The following EIF2B1 variants were observed in gnomAD, a reference collection of about 807,000 sequenced individuals.
EIF2B1 encodes the protein translation initiation factor eIF2B subunit alpha.
A neutral mutation model predicts 36.8 loss-of-function variants in EIF2B1; 30 were observed. The ratio of observed to expected loss-of-function variants is 0.81; its 90% confidence interval spans 0.61 to 1.10. The LOEUF (loss-of-function observed/expected upper bound fraction) is 1.10. Ranked by LOEUF, EIF2B1 falls within the 50% of genes least tolerant of loss-of-function variation. The probability of loss-of-function intolerance (pLI) is 0.00; values close to 1 mark genes in which losing one functional copy is unlikely to be tolerated. For missense variants in EIF2B1, 271 were observed against 374.8 expected, an observed-to-expected ratio of 0.72 and a Z score of 2.29; for synonymous variants, 139 against 142.2, an observed-to-expected ratio of 0.98 and a Z score of 0.16.
rs1407465919 is a variant in EIF2B1, at chr12:123,633,624, G to A, written c.-67C>T. On this transcript the variant is annotated 5_prime_UTR_variant, in exon 1 of 9. Transcript: ENST00000424014. ...CGCGCTGTCTCGAACGGGTCCGCCG[G>A]CCGCGCCGCCTGCGAGCCAGTCTGA... 6.3e-7 allele frequency: 1 copy of A among 1,596,604 alleles called. No homozygotes were observed.
At chr12:123,628,004 A>C (rs1339837207) in intron 4 of EIF2B1, among the ~76,000 whole-genome samples, 1 of 152,204 alleles carries the variant, frequency 6.6e-6, no homozygotes, top group South Asian at 2.1e-4. Flanking sequence ...GTTTGGGGTA[A>C]TCACAACCTA....
rs1566211365 is a variant in EIF2B1 at position 123,620,612 on chromosome 12, ATATAT to A, written c.*1139_*1143del. 4.3e-4 allele frequency: 32 copies of A among 75,006 alleles called. 1 individual carries two copies. Among genetic ancestry groups the A allele is most frequent in the African/African-American group, 1.2e-3 (26 of 21,988 alleles). The allele number at this position is 75,006 out of a possible 1,614,324, so 4.6% of individuals were successfully genotyped here. ...TATATATATATATATATATATATATATATATATATATATATAAGCTCTTTTTTCTG... is the reference window on the plus strand; with the variant it reads ...TATATATATATATATATATATATATAATATATATATAAGCTCTTTTTTCTG... On this transcript the variant is annotated 3_prime_UTR_variant, in exon 9 of 9. Coordinates refer to ENST00000424014, the MANE Select transcript of EIF2B1 (RefSeq NM_001414.4).
chr12:123,626,448 A>G lies in EIF2B1; in HGVS notation c.528T>C (p.Thr176=), dbSNP rs772633900. The G allele has an allele frequency of 1.9e-6, 3 of 1,614,060 alleles. No individual in the cohort carries two copies. The highest frequency in any genetic ancestry group is 2.7e-5 in the African/African-American group (2 of 74,948). Reference sequence around the variant, plus strand: ...ACCCGACAGCAGCATCTAGCACCACAGTGACAGGGACGTTGAGGTGGCAGA... The same window carrying G: ...ACCCGACAGCAGCATCTAGCACCACGGTGACAGGGACGTTGAGGTGGCAGA... The part of the protein sequence containing the change: ...KALCHLNVPV[T]VVLDAAVGYI... Residue 176 remains threonine (T), a synonymous_variant, in exon 6 of 9, where the codon ACT becomes ACC. Transcript: ENST00000424014.
intron 6 of EIF2B1, 26 bp downstream of exon 6, chr12:123,626,399 T>C: frequency 1.9e-6 from 3 of 1,613,980 alleles, no homozygotes; most frequent in Non-Finnish European, 2.5e-6. Context: ...GGGAGGTGAT[T>C]ATGGCTGGGG....
chr12:123,630,148 CCAT>C lies in EIF2B1; in HGVS notation c.369+18_369+20del, dbSNP rs1341075612. 6.2e-7 allele frequency: 1 copy of C among 1,608,416 alleles called. No homozygotes were observed. The highest frequency in any genetic ancestry group is 8.5e-7 in the Non-Finnish European group (1 of 1,175,404). ...TCGAAACCGTTGCTCCTCCTTACCA[CCAT>C]GATGATTATCCACTCACCGCTCCAT... On this transcript the variant is annotated intron_variant, in intron 4 of 8. Coordinates refer to ENST00000424014, the MANE Select transcript of EIF2B1 (RefSeq NM_001414.4). This position sits in a 1 kb window ranked among gnomAD's most constrained non-coding sequence, Gnocchi z 4.6.
Position 123,630,168 on chromosome 12 carries a change from C to G in EIF2B1, c.369+1G>C, listed in dbSNP as rs1194023050. Reference sequence around the variant, plus strand: ...TACCACCATGATGATTATCCACTCACCGCTCCATCTTTGATGAAAGTATGG... The same window carrying G: ...TACCACCATGATGATTATCCACTCAGCGCTCCATCTTTGATGAAAGTATGG... On this transcript the variant is annotated splice_donor_variant, in intron 4 of 8. Coordinates refer to ENST00000424014, the MANE Select transcript of EIF2B1 (RefSeq NM_001414.4). LOFTEE classifies it high-confidence loss of function. The surrounding 1 kb of genome is among the most constrained non-coding windows in gnomAD (Gnocchi z 4.6). 1 of 1,613,298 alleles carries G rather than the reference C, an allele frequency of 6.2e-7. No individual in the cohort carries two copies. The highest frequency in any genetic ancestry group is 8.5e-7 in the Non-Finnish European group (1 of 1,179,572).
intron 1 of EIF2B1, 90 bp from the exon 2 acceptor site, chr12:123,632,536 A>G (rs1300987169): frequency 1.1e-6 from 1 of 882,956 alleles, no homozygotes; most frequent in East Asian, 2.4e-5. Flanking sequence ...TTTAAGAAGC[A>G]AACAATTTAA....
chr12:123,626,525 A>G, intron 5 of EIF2B1, 32 bp from the exon 6 acceptor site: 1 of 1,610,076 alleles, frequency 6.2e-7, no homozygotes, highest in Non-Finnish European at 8.5e-7. Context: ...CGTTAGAGAA[A>G]GTACAAGACA....
At chr12:123,633,064 G>C (rs576541661) in intron 1 of EIF2B1, among the ~76,000 whole-genome samples, 2 of 151,300 alleles carry the variant, frequency 1.3e-5, no homozygotes, top group East Asian at 3.9e-4. Context: ...GAGGATCCCA[G>C]AGTCAACCAT....
At chr12:123,629,238 T>C (rs912609438) in intron 4 of EIF2B1, among the ~76,000 whole-genome samples, 5 of 152,214 alleles carry the variant, frequency 3.3e-5, no homozygotes, top group Admixed American at 3.3e-4. Flanking sequence ...AGGGGCATTA[T>C]GATAGTTTCA....
rs1250251932 is a variant in EIF2B1 at position 123,620,627 on chromosome 12, T to TATATATATAA, written c.*1128_*1129insTTATATATAT. On this transcript the variant is annotated 3_prime_UTR_variant, in exon 9 of 9. Coordinates refer to ENST00000424014, the MANE Select transcript of EIF2B1 (RefSeq NM_001414.4). ...ATATATATATATATATATATATATATAAGCTCTTTTTTCTGAGGCTATTTT... is the reference window on the plus strand; with the variant it reads ...ATATATATATATATATATATATATATATATATATAAAAGCTCTTTTTTCTGAGGCTATTTT... 3.8e-4 allele frequency: 38 copies of TATATATATAA among 99,832 alleles called. No homozygotes were observed. Among genetic ancestry groups the TATATATATAA allele is most frequent in the South Asian group, 9.2e-4 (3 of 3,246 alleles). 6.2% of individuals were successfully genotyped at this position (99,832 alleles called of 1,614,324 possible). A position where few individuals can be genotyped will look rare whatever the true frequency, so the allele number is the denominator to read the frequency against.
intron 1 of EIF2B1, among the ~76,000 whole-genome samples, chr12:123,632,878 G>A (rs1382424340): frequency 2.0e-5 from 3 of 149,576 alleles, no homozygotes; most frequent in South Asian, 4.3e-4. Context: ...CCCGGGAGGC[G>A]GAGCTTGCAG....
chr12:123,628,185 A>G (rs891207788), intron 4 of EIF2B1, among the ~76,000 whole-genome samples: 12 of 152,010 alleles, frequency 7.9e-5, no homozygotes, highest in African/African-American at 2.9e-4. Context: ...CCACCCCAGT[A>G]GCTGGGACTA....
At chr12:123,621,979 G>A in intron 8 of EIF2B1, 59 bp from the exon 9 acceptor site, 1 of 1,597,698 alleles carries the variant, frequency 6.3e-7, no homozygotes, top group Non-Finnish European at 8.5e-7. Context: ...ACCTGGTAGG[G>A]CCTTGGTGTG....
In EIF2B1 at chr12:123,622,031, G is replaced by A. The variant is rs1320010874; in HGVS notation, c.754-111C>T. 3.5e-6 allele frequency: 5 copies of A among 1,440,712 alleles called. No individual in the cohort carries two copies. The Admixed American group carries it at 7.8e-5, about 22-fold the overall frequency. 89.2% of individuals were successfully genotyped at this position (1,440,712 alleles called of 1,614,324 possible). A position where few individuals can be genotyped will look rare whatever the true frequency, so the allele number is the denominator to read the frequency against. ...CTTCCTGAGACTGCTCTCTGAAAAT[G>A]GGAGAAACTAAGCTATGCAGGACAC... is the stretch of plus-strand genomic sequence containing the variant. On this transcript the variant is annotated intron_variant, in intron 8 of 8. Transcript: ENST00000424014.
intron 4 of EIF2B1, among the ~76,000 whole-genome samples, chr12:123,627,432 T>A (rs1341554193): frequency 6.6e-6 from 1 of 152,240 alleles, no homozygotes; most frequent in Non-Finnish European, 1.5e-5. Context: ...GAAGGCTCCA[T>A]GAGGTTCCCT....
At chr12:123,632,162 G>A (rs1955195593) in intron 2 of EIF2B1, among the ~76,000 whole-genome samples, 183 bp downstream of exon 2, 1 of 151,342 alleles carries the variant, frequency 6.6e-6, no homozygotes, top group South Asian at 2.1e-4. Context: ...CAGCTACTCA[G>A]GAGGCCAAGG....
intron 7 of EIF2B1, among the ~76,000 whole-genome samples, chr12:123,624,416 G>A (rs1955132761): frequency 1.3e-5 from 2 of 151,704 alleles, no homozygotes; most frequent in Non-Finnish European, 1.5e-5. Flanking sequence ...GCACCACCAC[G>A]CCCAGCTAAT....
chr12:123,625,551 T>A (rs183639076), intron 6 of EIF2B1, among the ~76,000 whole-genome samples: 65 of 152,340 alleles, frequency 4.3e-4, no homozygotes, highest in African/African-American at 1.5e-3. Flanking sequence ...GTCTTTAAAA[T>A]GAGCAATTAG....
Sources: allele counts gnomAD v4.1 joint callset (sites outside exome capture counted in the v4.1 genomes callset), GRCh38; gene constraint gnomAD v4.1.1; non-coding constraint Gnocchi (gnomAD v3.1); transcripts MANE v1.5; gene names NCBI Gene and HGNC (gene_info 2026-07-23, HGNC 2026-07-21).